The following MCTP2 variants were observed in gnomAD, a reference collection of about 807,000 sequenced individuals.
MCTP2 encodes multiple C2 and transmembrane domain containing 2, also known as multiple C2 and transmembrane domain-containing protein 2.
In MCTP2, 132 loss-of-function variants were observed where a neutral mutation model predicts 111.6. The observed-to-expected ratio is 1.18, with a 90% CI of 1.03 to 1.37. MCTP2 has a LOEUF of 1.37. MCTP2 is among the 40% of genes most tolerant of loss of function. The probability of loss-of-function intolerance (pLI) is 0.00; values close to 1 mark genes in which losing one functional copy is unlikely to be tolerated. For missense variants in MCTP2, 1,183 were observed against 1,067.9 expected, an observed-to-expected ratio of 1.11 and a Z score of -1.50; for synonymous variants, 395 against 387.7, an observed-to-expected ratio of 1.02 and a Z score of -0.22.
intron 1 of MCTP2, among the ~76,000 whole-genome samples, chr15:94,244,911 T>A (rs939822415): frequency 1.8e-5 from 2 of 113,582 alleles, no homozygotes; most frequent in African/African-American, 6.6e-5. Context: ...CATATGCACC[T>A]ATGTTTATAT....
At chr15:94,328,943 C>T (rs2077014060) in intron 4 of MCTP2, among the ~76,000 whole-genome samples, 1 of 152,120 alleles carries the variant, frequency 6.6e-6, no homozygotes, top group African/African-American at 2.4e-5. Flanking sequence ...AAGATGGTTC[C>T]ACATGAGGCC....
chr15:94,382,308 T>G (rs1177576977), intron 12 of MCTP2, among the ~76,000 whole-genome samples: 1 of 152,248 alleles, frequency 6.6e-6, no homozygotes, highest in Non-Finnish European at 1.5e-5. Flanking sequence ...GAATTCTGAA[T>G]GCTGTTTGAT....
chr15:94,471,027 A>C (rs2073882732), intron 21 of MCTP2, among the ~76,000 whole-genome samples: 1 of 152,204 alleles, frequency 6.6e-6, no homozygotes. Context: ...TTTAAAAAGA[A>C]AGTAGAAACA....
At chr15:94,361,387 G>A (rs1596472727) in intron 10 of MCTP2, among the ~76,000 whole-genome samples, 1 of 152,184 alleles carries the variant, frequency 6.6e-6, no homozygotes, top group East Asian at 1.9e-4. Flanking sequence ...CATCAGCTCT[G>A]GGGTCACACA....
At position 94,465,028 on chromosome 15, in the gene MCTP2, ATTAC is replaced by A. The variant is rs1173147639; in HGVS notation, c.2361-5301_2361-5298del. ...TGTTTTTGTTTGGCTTGTTCTATCA[ATTAC>A]TTAGATGTGTTTAAACTTCACTGTC... On this transcript the variant is annotated intron_variant, in intron 20 of 22. Coordinates refer to ENST00000357742, the MANE Select transcript of MCTP2 (RefSeq NM_001385001.1). 5.3e-5 allele frequency among the ~76,000 whole-genome samples: 8 copies of A among 152,154 alleles called. No individual in the cohort carries two copies. In the East Asian group the frequency reaches 1.5e-3, roughly 29 times the overall value.
intron 1 of MCTP2, among the ~76,000 whole-genome samples, chr15:94,232,357 C>T (rs930491427): frequency 2.0e-5 from 3 of 152,110 alleles, no homozygotes; most frequent in Non-Finnish European, 4.4e-5. Context: ...CTGAGGGTTT[C>T]AGCCTCCTCT....
At chr15:94,310,436 G>GGCAGTGTACACATGGAAAATGTCAATTTT in intron 2 of MCTP2, among the ~76,000 whole-genome samples, 1 of 152,074 alleles carries the variant, frequency 6.6e-6, no homozygotes, top group Non-Finnish European at 1.5e-5. Flanking sequence ...TTAAAACTAT[G>GGCAGTGTACACATGGAAAATGTCAATTTT]GCAGTGTACA....
chr15:94,396,430 A>G (rs1049979804), intron 14 of MCTP2, among the ~76,000 whole-genome samples: 1 of 152,110 alleles, frequency 6.6e-6, no homozygotes, highest in African/African-American at 2.4e-5. Flanking sequence ...AATTTTGTTT[A>G]GACGTGGAAT....
chr15:94,341,145 A>G (rs2077619631), intron 7 of MCTP2: 7 of 481,002 alleles, frequency 1.5e-5, no homozygotes, highest in South Asian at 5.4e-5. Context: ...CTTTTGTGTT[A>G]TTAAGATGAT....
intron 12 of MCTP2, among the ~76,000 whole-genome samples, chr15:94,379,698 A>C (rs966662249): frequency 2.0e-5 from 3 of 147,064 alleles, no homozygotes; most frequent in Non-Finnish European, 4.5e-5. Flanking sequence ...ACAAAATGTA[A>C]ATATCATATA....
chr15:94,382,828 C>T (rs1169146436), intron 12 of MCTP2, among the ~76,000 whole-genome samples: 5 of 152,256 alleles, frequency 3.3e-5, no homozygotes, highest in Admixed American at 2.6e-4. Context: ...CTGCAGACGC[C>T]GGCAATGCGT....
intron 20 of MCTP2, among the ~76,000 whole-genome samples, chr15:94,468,554 T>A: frequency 6.6e-6 from 1 of 152,294 alleles, no homozygotes; most frequent in African/African-American, 2.4e-5. Context: ...GTATTCAAAT[T>A]TGCTTATAAT....
intron 4 of MCTP2, among the ~76,000 whole-genome samples, chr15:94,338,486 G>A (rs2077475337): frequency 7.9e-6 from 1 of 126,438 alleles, no homozygotes; most frequent in South Asian, 2.4e-4. Context: ...ATGTTTGCAG[G>A]CATTTTTTTT....
intron 1 of MCTP2, among the ~76,000 whole-genome samples, chr15:94,284,393 T>A (rs566245805): frequency 1.4e-4 from 22 of 152,326 alleles, no homozygotes; most frequent in African/African-American, 5.1e-4. Context: ...TAAATCCTTT[T>A]GTAGTGGTAT....
At chr15:94,419,394 G>A (rs1311647775) in intron 17 of MCTP2, among the ~76,000 whole-genome samples, 3 of 152,074 alleles carry the variant, frequency 2.0e-5, no homozygotes, top group Non-Finnish European at 4.4e-5. Flanking sequence ...TTATATTATG[G>A]TACCGAGAGC....
In MCTP2 at chr15:94,418,922, C is replaced by T. The variant is rs150683625; in HGVS notation, c.2085+16903C>T. Among the ~76,000 whole-genome samples the T allele has an allele frequency of 1.7e-3, 255 of 152,056 alleles. 2 individuals are homozygous for T. The highest frequency in any genetic ancestry group is 1.9e-3 in the Non-Finnish European group (132 of 67,982). ...AACAAAAACTTCATGTCTAGAGCAA[C>T]GGAGTCTAAAAGCCTCTAATTTATA... On this transcript the variant is annotated intron_variant, in intron 17 of 22. Coordinates refer to ENST00000357742, the MANE Select transcript of MCTP2 (RefSeq NM_001385001.1).
chr15:94,423,404 AAT>A (rs2082718868), intron 17 of MCTP2, among the ~76,000 whole-genome samples: 1 of 152,220 alleles, frequency 6.6e-6, no homozygotes, highest in Non-Finnish European at 1.5e-5. Context: ...CCTGTAAATA[AAT>A]ATTTACTGTT....
intron 20 of MCTP2, 60 bp downstream of exon 20, chr15:94,458,306 G>A: frequency 9.9e-7 from 1 of 1,005,128 alleles, no homozygotes; most frequent in Non-Finnish European, 1.6e-6. Flanking sequence ...AAGGACAGTG[G>A]GGTAATGGCA....
chr15:94,470,358 C>CGGGGTGG lies in MCTP2; in HGVS notation c.2386_2387insGGGGTGG (p.Leu796ArgfsTer34). ...CACATTTAACTGGACGGTCCCCTTC[C>CGGGGTGG]TTTCATCTCTGGCCTGTTTGATTCT... On this transcript the variant is annotated frameshift_variant, in exon 21 of 23. Transcript: ENST00000357742. LOFTEE classifies it high-confidence loss of function. 7.9e-7 allele frequency: 1 copy of CGGGGTGG among 1,263,752 alleles called. No homozygotes were observed. The highest frequency in any genetic ancestry group is 1.2e-6 in the Non-Finnish European group (1 of 861,056). The allele number at this position is 1,263,752 out of a possible 1,614,324, so 78.3% of individuals were successfully genotyped here. A position where few individuals can be genotyped will look rare whatever the true frequency, so the allele number is the denominator to read the frequency against.
Sources: allele counts gnomAD v4.1 joint callset (sites outside exome capture counted in the v4.1 genomes callset), GRCh38; gene constraint gnomAD v4.1.1; transcripts MANE v1.5; gene names NCBI Gene and HGNC (gene_info 2026-07-23, HGNC 2026-07-21).